Variants in CADM2 observed in about 807,000 individuals in gnomAD.
CADM2 encodes the protein immunoglobulin superfamily member 4D.
In CADM2, 12 loss-of-function variants were observed where a neutral mutation model predicts 49.8. The ratio of observed to expected loss-of-function variants is 0.24; its 90% CI spans 0.15 to 0.39. CADM2 has a LOEUF of 0.39. Among genes scored for constraint, CADM2 ranks in the 10% least tolerant of loss-of-function variants. CADM2 has a pLI of 1.00. For missense variants in CADM2, 378 were observed against 492.3 expected (o/e 0.77, Z 2.20); for synonymous variants, 214 against 175.4 (o/e 1.22, Z -1.74).
At chr3:85,989,704 A>G (rs1192314355) in intron 8 of CADM2, among the ~76,000 whole-genome samples, 1 of 152,054 alleles carries the variant, frequency 6.6e-6, no homozygotes, top group Non-Finnish European at 1.5e-5. Flanking sequence ...AGGCATACAT[A>G]CTACAAGTCT....
chr3:86,036,669 C>A (rs1735201802), intron 8 of CADM2, among the ~76,000 whole-genome samples: 1 of 152,030 alleles, frequency 6.6e-6, no homozygotes, highest in Non-Finnish European at 1.5e-5. Context: ...GTTTGGTGAT[C>A]ATAGTCAAGT....
chr3:85,964,227 G>C, intron 8 of CADM2, among the ~76,000 whole-genome samples: 1 of 151,794 alleles, frequency 6.6e-6, no homozygotes, highest in East Asian at 2.0e-4. Context: ...GATCATTTGT[G>C]AGAACTTTAC....
At chr3:85,506,987 A>G (rs957151860) in intron 1 of CADM2, among the ~76,000 whole-genome samples, 2 of 152,150 alleles carry the variant, frequency 1.3e-5, no homozygotes, top group Admixed American at 1.3e-4. Context: ...TTTATCTAAA[A>G]CAAGGTTTTT....
intron 8 of CADM2, among the ~76,000 whole-genome samples, chr3:86,031,432 T>A (rs927885801): frequency 6.6e-6 from 1 of 151,910 alleles, no homozygotes; most frequent in Admixed American, 6.6e-5. Context: ...TCTTAGATTT[T>A]GTGCTTGTTT....
chr3:85,593,881 G>A (rs532657396), intron 1 of CADM2, among the ~76,000 whole-genome samples: 46 of 151,818 alleles, frequency 3.0e-4, no homozygotes, highest in African/African-American at 1.0e-3. Context: ...ACAGATGGAG[G>A]CACAACTGCA....
At chr3:85,813,283 C>G (rs975644130) in intron 3 of CADM2, among the ~76,000 whole-genome samples, 12 of 152,270 alleles carry the variant, frequency 7.9e-5, no homozygotes, top group African/African-American at 2.6e-4. Flanking sequence ...TTTTGATTTG[C>G]ATTTCTCTAA....
intron 1 of CADM2, among the ~76,000 whole-genome samples, chr3:85,601,768 T>C (rs1404774031): frequency 6.6e-6 from 1 of 151,730 alleles, no homozygotes; most frequent in Non-Finnish European, 1.5e-5. Context: ...TCATTTACTA[T>C]GCATTTGCAA....
At chr3:84,960,827 T>C (rs2030438398) in intron 1 of CADM2, among the ~76,000 whole-genome samples, 2 of 151,770 alleles carry the variant, frequency 1.3e-5, no homozygotes, top group African/African-American at 4.8e-5. Flanking sequence ...AGTACAGGAG[T>C]GCATGAGGAC....
chr3:85,508,627 C>A (rs1445656883), intron 1 of CADM2, among the ~76,000 whole-genome samples: 2 of 152,160 alleles, frequency 1.3e-5, no homozygotes, highest in African/African-American at 4.8e-5. Context: ...AGATTAGTAT[C>A]TCCTTATCTG....
rs772245948 is a variant in CADM2, at chr3:85,459,242, T to G, written c.62-267280T>G. On this transcript the variant is annotated intron_variant, in intron 1 of 9. Coordinates refer to ENST00000383699, the MANE Select transcript of CADM2 (RefSeq NM_001167675.2). Reference sequence around the variant, plus strand: ...GATGGCTGCAGAAGCTCCAGGAATCTTGTCCTCTCATGACATTGTCCAAAA... The same window carrying G: ...GATGGCTGCAGAAGCTCCAGGAATCGTGTCCTCTCATGACATTGTCCAAAA... Among the ~76,000 whole-genome samples the G allele has an allele frequency of 5.3e-5, 8 of 152,180 alleles. No individual in the cohort carries two copies. In the East Asian group the frequency reaches 1.5e-3, roughly 29 times the overall value.
intron 8 of CADM2, among the ~76,000 whole-genome samples, chr3:86,006,652 T>A (rs1386668391): frequency 6.6e-6 from 1 of 152,182 alleles, no homozygotes; most frequent in East Asian, 1.9e-4. Flanking sequence ...GGAACTACTT[T>A]GACCTCCTTA....
At chr3:86,036,327 A>C (rs185812766) in intron 8 of CADM2, among the ~76,000 whole-genome samples, 1 of 152,174 alleles carries the variant, frequency 6.6e-6, no homozygotes, top group Admixed American at 6.5e-5. Context: ...ACCATTCAGT[A>C]TTATTTAATA....
intron 1 of CADM2, among the ~76,000 whole-genome samples, chr3:85,014,934 T>C (rs1469743179): frequency 6.6e-6 from 1 of 152,130 alleles, no homozygotes; most frequent in Admixed American, 6.6e-5. Flanking sequence ...ATCCTTCTAT[T>C]TCTTTTTATG....
intron 1 of CADM2, among the ~76,000 whole-genome samples, chr3:85,600,225 A>G (rs182120002): frequency 5.3e-5 from 8 of 152,062 alleles, no homozygotes; most frequent in Admixed American, 2.0e-4. Context: ...CACAATAATC[A>G]TAGAATTCTA....
At chr3:86,065,850 G>T (rs1739247687) in intron 9 of CADM2, 120 bp downstream of exon 9, 4 of 919,114 alleles carry the variant, frequency 4.4e-6, no homozygotes, top group South Asian at 2.8e-5. Flanking sequence ...GAGATAGAGA[G>T]AAATGCTAAA....
chr3:85,531,558 G>A (rs552735749), intron 1 of CADM2, among the ~76,000 whole-genome samples: 4 of 152,118 alleles, frequency 2.6e-5, no homozygotes, highest in Admixed American at 6.5e-5. Context: ...TCTAACATTT[G>A]CAAGAGTATG....
At position 85,948,506 on chromosome 3, in the gene CADM2, T is replaced by A. The variant is rs202190667; in HGVS notation, c.791+12649T>A. 4.2e-4 allele frequency among the ~76,000 whole-genome samples: 63 copies of A among 151,564 alleles called. 1 individual carries two copies. The East Asian group carries it at 6.4e-3, about 15-fold the overall frequency. On this transcript the variant is annotated intron_variant, in intron 7 of 9. Coordinates refer to ENST00000383699, the MANE Select transcript of CADM2 (RefSeq NM_001167675.2). ...TGTGAAAAATAGATTTAATTCAGAA[T>A]CACTTTAGAGATGTGCTATTATTTT... is the stretch of plus-strand genomic sequence containing the variant.
At position 85,543,229 on chromosome 3, in the gene CADM2, T is replaced by C. The variant is rs2061584059; in HGVS notation, c.62-183293T>C. Reference sequence around the variant, plus strand: ...ACCCATATCTAAAGTTCCACAACTCTTTTTATTTATTTATTTATTTATTTT... The same window carrying C: ...ACCCATATCTAAAGTTCCACAACTCCTTTTATTTATTTATTTATTTATTTT... On this transcript the variant is annotated intron_variant, in intron 1 of 9. Coordinates refer to ENST00000383699, the MANE Select transcript of CADM2 (RefSeq NM_001167675.2). 4.0e-5 allele frequency among the ~76,000 whole-genome samples: 4 copies of C among 100,682 alleles called. No individual in the cohort carries two copies. In the Admixed American group the frequency reaches 4.4e-4, roughly 11 times the overall value. 66.1% of individuals were successfully genotyped at this position (100,682 alleles called of 152,430 possible).
intron 8 of CADM2, chr3:86,013,741 C>T (rs1731843083): frequency 6.3e-7 from 1 of 1,592,866 alleles, no homozygotes; most frequent in Non-Finnish European, 8.6e-7. Context: ...CCTTATGAAG[C>T]TGATGCAGAA....
Sources: allele counts gnomAD v4.1 joint callset (sites outside exome capture counted in the v4.1 genomes callset), GRCh38; gene constraint gnomAD v4.1.1; transcripts MANE v1.5; gene names NCBI Gene and HGNC (gene_info 2026-07-23, HGNC 2026-07-21).